The following C10orf88 variants were observed in gnomAD, a reference collection of about 807,000 sequenced individuals.
The protein encoded by C10orf88 is ATPase PAAT.
C10orf88 carries 29 observed loss-of-function variants against 34.2 expected under a neutral mutation model. The ratio of observed to expected loss-of-function variants is 0.85; its 90% CI spans 0.63 to 1.16. The LOEUF (loss-of-function observed/expected upper bound fraction) is 1.16. C10orf88 is among the 50% of genes most tolerant of loss of function. C10orf88 has a pLI of 0.00. For missense variants in C10orf88, 507 were observed against 533.2 expected (o/e 0.95, Z 0.48); for synonymous variants, 194 against 197.4 (o/e 0.98, Z 0.15).
Position 122,952,983 on chromosome 10 carries a change from G to A in C10orf88, c.214C>T (p.Pro72Ser), listed in dbSNP as rs1460993616. The A allele has an allele frequency of 1.2e-6, 2 of 1,614,132 alleles. No individual in the cohort carries two copies. Among genetic ancestry groups the A allele is most frequent in the Admixed American group, 1.7e-5 (1 of 60,020 alleles). ...CCACACCTCAGGTAAAGGAAGCAGG[G>A]GTTTTCATCTTTGTTGTTGTGGTTT... is the stretch of plus-strand genomic sequence containing the variant. ...KRNHNNKDENPCFLYLRCGPD... is the reference protein window; with the variant it reads ...KRNHNNKDENSCFLYLRCGPD... The change falls in exon 2 of 6, where the codon CCC becomes TCC. Residue 72 changes from proline (P) to serine (S), a missense_variant. Coordinates refer to ENST00000481909, the MANE Select transcript of C10orf88 (RefSeq NM_024942.4).
intron 5 of C10orf88, chr10:122,933,290 G>A (rs888265762): frequency 1.3e-5 from 2 of 152,254 alleles, no homozygotes; most frequent in African/African-American, 4.8e-5. Context: ...AGACCAGCCT[G>A]GCCAACATGG....
intron 4 of C10orf88, among the ~76,000 whole-genome samples, chr10:122,947,508 G>A (rs569925823): frequency 1.3e-5 from 2 of 152,268 alleles, no homozygotes; most frequent in South Asian, 4.1e-4. Flanking sequence ...CGTTTCTCTT[G>A]CTACTCTATC....
Position 122,954,153 on chromosome 10 carries a change from C to T in C10orf88, c.26G>A (p.Gly9Asp), listed in dbSNP as rs372425405. 2.7e-5 allele frequency: 42 copies of T among 1,579,314 alleles called. No homozygotes were observed. The African/African-American group carries it at 3.7e-4, about 14-fold the overall frequency. METRTEDGGLTRRPTLASS... is the reference protein window; with the variant it reads METRTEDGDLTRRPTLASS... ...GGCCAGCGTGGGGCGGCGGGTGAGG[C>T]CCCCGTCCTCGGTCCGCGTCTCCAT... The change falls in exon 1 of 6, where the codon GGC becomes GAC. Residue 9 changes from glycine to aspartate, a missense_variant. Physicochemically the swap from Gly to Asp is moderately conservative, Grantham distance 94. Coordinates refer to ENST00000481909, the MANE Select transcript of C10orf88 (RefSeq NM_024942.4).
intron 5 of C10orf88, among the ~76,000 whole-genome samples, chr10:122,933,933 G>T (rs1848509394): frequency 6.6e-6 from 1 of 151,974 alleles, no homozygotes. Context: ...AATATACAGT[G>T]GGTTTATTGT....
chr10:122,951,130 G>C (rs1848685950), intron 3 of C10orf88, among the ~76,000 whole-genome samples: 1 of 152,190 alleles, frequency 6.6e-6, no homozygotes, highest in African/African-American at 2.4e-5. Flanking sequence ...AGACTCTGAA[G>C]ACATAACTAA....
chr10:122,941,277 C>A (rs1010915249), intron 4 of C10orf88, among the ~76,000 whole-genome samples: 3 of 151,924 alleles, frequency 2.0e-5, no homozygotes, highest in African/African-American at 7.2e-5. Context: ...AAAGCAAAAG[C>A]AAATCAAAGC....
chr10:122,938,966 T>C (rs1329917514), intron 4 of C10orf88, among the ~76,000 whole-genome samples: 2 of 152,026 alleles, frequency 1.3e-5, no homozygotes, highest in African/African-American at 2.4e-5. Context: ...AACATAAAAG[T>C]CTACTATAGA....
chr10:122,937,874 T>G lies in C10orf88; in HGVS notation c.934A>C (p.Met312Leu). 1 of 1,613,384 alleles carries G rather than the reference T, an allele frequency of 6.2e-7. No homozygotes were observed. Residue 312 changes from methionine to leucine, a missense_variant, in exon 5 of 6, where the codon ATG becomes CTG. Transcript: ENST00000481909. Reference protein sequence around the residue: ...SFLENDLKNAMASFLPKKVSD... With the variant: ...SFLENDLKNALASFLPKKVSD... ...ACTTTCTTTGGTAAGAAAGAGGCCA[T>G]TGCATTTTTAAGATCATTTTCAAGA...
chr10:122,940,515 T>C (rs1848572466), intron 4 of C10orf88, among the ~76,000 whole-genome samples: 1 of 152,078 alleles, frequency 6.6e-6, no homozygotes, highest in Admixed American at 6.6e-5. Context: ...CAACACCATA[T>C]TGTACATTTA....
At chr10:122,950,170 G>C (rs1274850878) in intron 3 of C10orf88, among the ~76,000 whole-genome samples, 2 of 152,194 alleles carry the variant, frequency 1.3e-5, no homozygotes, top group African/African-American at 4.8e-5. Context: ...GTGACCCTGG[G>C]CAAATGCTAA....
intron 3 of C10orf88, among the ~76,000 whole-genome samples, chr10:122,950,214 A>G (rs560720063): frequency 6.6e-6 from 1 of 152,384 alleles, no homozygotes; most frequent in South Asian, 2.1e-4. Flanking sequence ...AGAAGACAGT[A>G]GCAATGATTT....
At chr10:122,951,843 AAAGC>A in intron 3 of C10orf88, 107 bp downstream of exon 3, 1 of 701,936 alleles carries the variant, frequency 1.4e-6, no homozygotes, top group Non-Finnish European at 2.4e-6. Context: ...AAGAAAAAAA[AAAGC>A]AAGCAAGCAA....
intron 4 of C10orf88, among the ~76,000 whole-genome samples, chr10:122,938,879 T>C (rs935331443): frequency 6.6e-6 from 1 of 152,030 alleles, no homozygotes; most frequent in Admixed American, 6.6e-5. Flanking sequence ...CCTTTTATGC[T>C]CTTTAATTTT....
chr10:122,937,357 G>A (rs1386736752), intron 5 of C10orf88, among the ~76,000 whole-genome samples: 1 of 151,816 alleles, frequency 6.6e-6, no homozygotes, highest in Non-Finnish European at 1.5e-5. Flanking sequence ...ACATACCCAG[G>A]CACAAAATAG....
chr10:122,946,125 G>A (rs1406508014), intron 4 of C10orf88, among the ~76,000 whole-genome samples: 2 of 151,898 alleles, frequency 1.3e-5, no homozygotes, highest in Non-Finnish European at 1.5e-5. Context: ...GTTACAATAA[G>A]CTAAGCTTAA....
At chr10:122,939,058 C>T (rs1157460722) in intron 4 of C10orf88, among the ~76,000 whole-genome samples, 1 of 151,976 alleles carries the variant, frequency 6.6e-6, no homozygotes, top group Non-Finnish European at 1.5e-5. Flanking sequence ...TGTAAATTAG[C>T]TGAAGAAACT....
At chr10:122,953,232 C>T (rs1020778305) in intron 1 of C10orf88, among the ~76,000 whole-genome samples, 200 bp from the exon 2 acceptor site, 1 of 152,190 alleles carries the variant, frequency 6.6e-6, no homozygotes, top group Admixed American at 6.5e-5. Context: ...CACCCGCCAC[C>T]GCGCCCGGCT....
At chr10:122,941,026 T>A (rs1429112966) in intron 4 of C10orf88, among the ~76,000 whole-genome samples, 1 of 152,110 alleles carries the variant, frequency 6.6e-6, no homozygotes, top group Non-Finnish European at 1.5e-5. Context: ...TAGGAAAGTA[T>A]GAATTTCCTA....
At chr10:122,941,967 T>C (rs550570392) in intron 4 of C10orf88, among the ~76,000 whole-genome samples, 61 of 152,224 alleles carry the variant, frequency 4.0e-4, no homozygotes, top group East Asian at 1.3e-3. Context: ...CTCTGGGGTA[T>C]AGAATGACAG....
Sources: gnomAD v4.1 joint callset for allele counts (sites outside exome capture counted in the v4.1 genomes callset) on GRCh38, gnomAD v4.1.1 for gene constraint, MANE v1.5 for transcripts, NCBI Gene and HGNC (gene_info 2026-07-23, HGNC 2026-07-21) for gene names.